Variants in FUT8 observed in about 807,000 individuals in gnomAD.
FUT8 encodes fucosyltransferase 8, also known as alpha-(1,6)-fucosyltransferase.
Under a neutral mutation model 71.3 loss-of-function variants are expected in FUT8, and 29 were observed. The ratio of observed to expected loss-of-function variants is 0.41; its 90% CI spans 0.30 to 0.55. The LOEUF (loss-of-function observed/expected upper bound fraction) is 0.55, where lower values mean the gene tolerates loss of function less well. Among genes scored for constraint, FUT8 ranks in the 20% least tolerant of loss-of-function variants. The pLI, the probability that FUT8 is intolerant of heterozygous loss-of-function variation, is 0.34. For synonymous variants in FUT8, 254 were observed against 239.3 expected (o/e 1.06, Z -0.57); for missense variants, 544 against 702.1 (o/e 0.77, Z 2.55).
At chr14:65,414,183 A>C (rs1252027476) in intron 1 of FUT8, among the ~76,000 whole-genome samples, 1 of 152,172 alleles carries the variant, frequency 6.6e-6, no homozygotes, top group Non-Finnish European at 1.5e-5. Context: ...AATTCAACAC[A>C]AGTTTTGTGT....
chr14:65,467,388 C>G lies in FUT8; in HGVS notation c.-228+11670C>G, dbSNP rs2139611825. Reference sequence around the variant, plus strand: ...TCTTGGCTCACTGCAACCACTGCCTCCCGGGTTCAAGCGATTCTCCTGCCT... The same window carrying G: ...TCTTGGCTCACTGCAACCACTGCCTGCCGGGTTCAAGCGATTCTCCTGCCT... On this transcript the variant is annotated intron_variant, in intron 2 of 10. Coordinates refer to ENST00000673929, the MANE Select transcript of FUT8 (RefSeq NM_001371533.1). The surrounding 1 kb of genome is among the most constrained non-coding windows in gnomAD (Gnocchi z 4.1). Among the ~76,000 whole-genome samples, 1 of 152,286 alleles carries G rather than the reference C, an allele frequency of 6.6e-6. No homozygotes were observed. The highest frequency in any genetic ancestry group is 2.4e-5 in the African/African-American group (1 of 41,552).
At chr14:65,479,159 C>T (rs2066290996) in intron 2 of FUT8, among the ~76,000 whole-genome samples, 1 of 152,162 alleles carries the variant, frequency 6.6e-6, no homozygotes, top group African/African-American at 2.4e-5. Context: ...AGTAGATTAT[C>T]ATAAGAATTC....
upstream of FUT8, among the ~76,000 whole-genome samples, chr14:65,407,317 C>T (rs1326806401): frequency 6.6e-6 from 1 of 152,150 alleles, no homozygotes; most frequent in East Asian, 1.9e-4. Flanking sequence ...GCTTGATAAA[C>T]CTTGTAATGT....
intron 6 of FUT8, among the ~76,000 whole-genome samples, chr14:65,637,251 G>A (rs1013820518): frequency 1.3e-5 from 2 of 152,048 alleles, no homozygotes; most frequent in Non-Finnish European, 2.9e-5. Flanking sequence ...TAGACTTTTG[G>A]GTGATTTTAT....
chr14:65,611,597 A>C (rs1027374264), intron 3 of FUT8, among the ~76,000 whole-genome samples: 2 of 151,738 alleles, frequency 1.3e-5, no homozygotes, highest in African/African-American at 4.8e-5. Flanking sequence ...TATATTTTTC[A>C]TTTCAGACAT....
Position 65,742,321 on chromosome 14 carries a change from T to C in FUT8, c.1639T>C (p.Leu547=), listed in dbSNP as rs187774511. Residue 547 remains leucine, a synonymous_variant, in exon 11 of 11, where the codon TTG becomes CTG. Transcript: ENST00000673929. ...CTATTCTAAAGGTGTCAACAGGAAA[T>C]TGGGAAGGACGGGCCTATATCCCTC... ...DGYSKGVNRK[L]GRTGLYPSYK... 41 of 1,612,836 alleles carry C rather than the reference T, an allele frequency of 2.5e-5. 1 individual carries two copies. The East Asian group carries it at 8.5e-4, about 33-fold the overall frequency.
intron 2 of FUT8, among the ~76,000 whole-genome samples, chr14:65,541,766 A>G (rs376795186): frequency 6.6e-6 from 1 of 152,212 alleles, no homozygotes; most frequent in Non-Finnish European, 1.5e-5. Flanking sequence ...TCACGTTGAC[A>G]TAAAAAATTA....
chr14:65,534,268 A>G (rs764622465), intron 2 of FUT8, among the ~76,000 whole-genome samples: 3 of 152,044 alleles, frequency 2.0e-5, no homozygotes, highest in African/African-American at 7.2e-5. Context: ...GACTATAGGC[A>G]TGTGCTACCA....
chr14:65,531,591 A>C (rs1222920842), intron 2 of FUT8, among the ~76,000 whole-genome samples: 1 of 152,194 alleles, frequency 6.6e-6, no homozygotes, highest in African/African-American at 2.4e-5. Flanking sequence ...AATGGCCACA[A>C]AATTTGATTT....
intron 2 of FUT8, among the ~76,000 whole-genome samples, chr14:65,525,712 T>A (rs979027068): frequency 6.6e-6 from 1 of 152,252 alleles, no homozygotes; most frequent in African/African-American, 2.4e-5. Flanking sequence ...GCTATAAATT[T>A]CCCTCTACAG....
the FUT8 span, among the ~76,000 whole-genome samples, chr14:65,377,127 A>G: frequency 6.6e-6 from 1 of 152,154 alleles, no homozygotes; most frequent in Non-Finnish European, 1.5e-5. Context: ...TTTCATTCAG[A>G]TAAGTTGGCA....
chr14:65,572,830 A>T (rs1463190380), intron 3 of FUT8, among the ~76,000 whole-genome samples: 2 of 152,212 alleles, frequency 1.3e-5, no homozygotes, highest in Non-Finnish European at 2.9e-5. Context: ...AGAAATAGAT[A>T]AATTCACTAT....
At chr14:65,703,830 G>GTT (rs1243129145) in intron 7 of FUT8, among the ~76,000 whole-genome samples, 1 of 152,206 alleles carries the variant, frequency 6.6e-6, no homozygotes, top group Non-Finnish European at 1.5e-5. Context: ...ATGTACGTCT[G>GTT]TTTTATCAGC....
chr14:65,470,874 G>A (rs556457847), intron 2 of FUT8, among the ~76,000 whole-genome samples: 9 of 152,080 alleles, frequency 5.9e-5, no homozygotes, highest in Admixed American at 4.6e-4. Context: ...CTGCACAGAG[G>A]GCGGCGGGCT....
chr14:65,615,797 C>T (rs1345650254), intron 3 of FUT8, among the ~76,000 whole-genome samples, 181 bp from the exon 4 acceptor site: 2 of 152,196 alleles, frequency 1.3e-5, no homozygotes, highest in Non-Finnish European at 2.9e-5. Flanking sequence ...ATTATCATTT[C>T]ATTGTCCATT....
At chr14:65,616,437 C>G in intron 5 of FUT8, 64 bp downstream of exon 5, 1 of 1,352,950 alleles carries the variant, frequency 7.4e-7, no homozygotes, top group South Asian at 1.6e-5. Context: ...GAATGAGAAA[C>G]AGACTTGTTA....
At chr14:65,361,791 AAAAC>A in the FUT8 span, among the ~76,000 whole-genome samples, 13,777 of 150,512 alleles carry the variant, frequency 0.092, 713 homozygotes, top group Middle Eastern at 0.11. Context: ...TGTCTCAAAG[AAAAC>A]AAACAAACAA....
chr14:65,573,251 G>A (rs1374447889), intron 3 of FUT8, among the ~76,000 whole-genome samples: 1 of 151,958 alleles, frequency 6.6e-6, no homozygotes, highest in Non-Finnish European at 1.5e-5. Context: ...TGGTTCAGAT[G>A]GTTCAGTAGA....
At chr14:65,457,069 G>A (rs994731287) in intron 2 of FUT8, among the ~76,000 whole-genome samples, 1 of 152,032 alleles carries the variant, frequency 6.6e-6, no homozygotes, top group African/African-American at 2.4e-5. Flanking sequence ...GAAATGTACA[G>A]TCAACTAAGT....
Sources: gnomAD v4.1 joint callset for allele counts (sites outside exome capture counted in the v4.1 genomes callset) on GRCh38, gnomAD v4.1.1 for gene constraint, Gnocchi (gnomAD v3.1) non-coding constraint, MANE v1.5 for transcripts, NCBI Gene and HGNC (gene_info 2026-07-23, HGNC 2026-07-21) for gene names.